Variants in BRF1 observed in about 807,000 individuals in gnomAD.
BRF1 encodes the protein BRF1 general transcription factor IIIB subunit, also known as transcription factor IIIB 90 kDa subunit.
BRF1 carries 59 observed loss-of-function variants against 81.7 expected under a neutral mutation model. The observed-to-expected ratio is 0.72, with a 90% CI of 0.59 to 0.90. BRF1 has a LOEUF of 0.90. Ranked by LOEUF, BRF1 falls within the 40% of genes least tolerant of loss-of-function variation. BRF1 has a pLI of 0.00. For synonymous variants in BRF1, 491 were observed against 395.6 expected (o/e 1.24, Z -2.86); for missense variants, 1,050 against 936.3 (o/e 1.12, Z -1.58).
intron 10 of BRF1, among the ~76,000 whole-genome samples, chr14:105,223,300 G>A (rs930966573): frequency 6.6e-6 from 1 of 151,564 alleles, no homozygotes; most frequent in Non-Finnish European, 1.5e-5. Flanking sequence ...ACTTGTACAC[G>A]AGTGTTCACG....
chr14:105,241,520 C>A (rs920039795), intron 5 of BRF1, 106 bp from the exon 6 acceptor site: 5 of 1,382,104 alleles, frequency 3.6e-6, no homozygotes, highest in Non-Finnish European at 4.9e-6. Flanking sequence ...TCTTTCCAGG[C>A]CCCCAGGCCC....
intron 3 of BRF1, among the ~76,000 whole-genome samples, chr14:105,268,328 G>A (rs1329498376): frequency 1.3e-5 from 2 of 152,270 alleles, no homozygotes; most frequent in African/African-American, 4.8e-5. Flanking sequence ...TCTCAGCCCT[G>A]CTGCCCACGC....
intron 5 of BRF1, chr14:105,247,014 A>G (rs1231797504): frequency 4.1e-6 from 4 of 985,404 alleles, no homozygotes; most frequent in Non-Finnish European, 3.6e-6. Context: ...ATGGACATGT[A>G]GGCTGTCTCC....
chr14:105,306,762 C>T (rs1190766714), intron 1 of BRF1, among the ~76,000 whole-genome samples: 3 of 152,160 alleles, frequency 2.0e-5, no homozygotes, highest in African/African-American at 7.2e-5. Context: ...CCTGCCACTG[C>T]GCCCAGCTAA....
chr14:105,209,721 C>T lies in BRF1; in HGVS notation c.*830G>A, dbSNP rs1172160123. ...GGCTCTGTCCACGGGGAACTCCCAG[C>T]GCCAGGACACTATGCAGGCTATGCC... On this transcript the variant is annotated 3_prime_UTR_variant, in exon 18 of 18. Coordinates refer to ENST00000547530, the MANE Select transcript of BRF1 (RefSeq NM_001519.4). 2.0e-5 allele frequency: 12 copies of T among 614,446 alleles called. No homozygotes were observed. Among genetic ancestry groups the T allele is most frequent in the African/African-American group, 7.3e-5 (4 of 54,518 alleles). 38.1% of individuals were successfully genotyped at this position (614,446 alleles called of 1,614,324 possible).
chr14:105,287,884 C>G (rs2057374142), intron 1 of BRF1, among the ~76,000 whole-genome samples: 3 of 152,256 alleles, frequency 2.0e-5, no homozygotes, highest in Admixed American at 6.5e-5. Context: ...CAGAGCTGAA[C>G]AGGGTCAGGT....
At position 105,286,299 on chromosome 14, in the gene BRF1, T is replaced by C; in HGVS notation, c.262A>G (p.Asn88Asp). 1 of 1,612,902 alleles carries C rather than the reference T, an allele frequency of 6.2e-7. No homozygotes were observed. The highest frequency in any genetic ancestry group is 2.2e-5 in the East Asian group (1 of 44,876). Residue 88 changes from asparagine to aspartate, a missense_variant, in exon 2 of 18, where the codon AAT (asparagine) becomes GAT (aspartate). Coordinates refer to ENST00000547530, the MANE Select transcript of BRF1 (RefSeq NM_001519.4). ...CAGCATCCGCGGTGGGAAATACCAT[T>C]CTGCAGGGTCTGCGCTCTCGACTCC... is the stretch of plus-strand genomic sequence containing the variant. ...GKESRAQTLQ[N>D]GRRHIHHLGN...
In BRF1 at chr14:105,209,582, G is replaced by A; in HGVS notation, c.*969C>T. On this transcript the variant is annotated 3_prime_UTR_variant, in exon 18 of 18. Coordinates refer to ENST00000547530, the MANE Select transcript of BRF1 (RefSeq NM_001519.4). ...ATGCCAGAGCTGAGACCTCCTACGA[G>A]TGGTACTGGGGCCTTCCCACGAAGA... is the stretch of plus-strand genomic sequence containing the variant. 1 of 702,702 alleles carries A rather than the reference G, an allele frequency of 1.4e-6. No homozygotes were observed. The highest frequency in any genetic ancestry group is 2.3e-4 in the Middle Eastern group (1 of 4,342). The allele number at this position is 702,702 out of a possible 1,614,324, so 43.5% of individuals were successfully genotyped here. A position where few individuals can be genotyped will look rare whatever the true frequency, so the allele number is the denominator to read the frequency against.
chr14:105,278,426 C>A (rs1244665517), intron 2 of BRF1, among the ~76,000 whole-genome samples: 1 of 144,664 alleles, frequency 6.9e-6, no homozygotes, highest in African/African-American at 2.6e-5. Flanking sequence ...GAGAGCGAGA[C>A]CCTGTCTCCA....
At chr14:105,248,488 G>T in intron 5 of BRF1, 1 of 984,606 alleles carries the variant, frequency 1.0e-6, no homozygotes. Context: ...CGGGCCTGGG[G>T]GCGGGGCCGC....
At chr14:105,226,895 G>T in intron 7 of BRF1, 135 bp from the exon 8 acceptor site, 1 of 1,315,086 alleles carries the variant, frequency 7.6e-7, no homozygotes, top group Non-Finnish European at 1.0e-6. Context: ...GATTGCTTGA[G>T]TCCAAGACTT....
rs914576543 is a variant in BRF1 at position 105,225,956 on chromosome 14, A to G, written c.1048+113T>C. On this transcript the variant is annotated intron_variant, in intron 10 of 17. Coordinates refer to ENST00000547530, the MANE Select transcript of BRF1 (RefSeq NM_001519.4). ...CCACCCTGCCCGGTGGTAAACTTAC[A>G]TTCTGTAGATAATCCCCTTCCCTTT... 5.3e-6 allele frequency: 6 copies of G among 1,124,824 alleles called. No homozygotes were observed. In the African/African-American group the frequency reaches 6.3e-5, roughly 12 times the overall value. 69.7% of individuals were successfully genotyped at this position (1,124,824 alleles called of 1,614,324 possible).
At chr14:105,211,353 C>T in intron 16 of BRF1, 60 bp from the exon 17 acceptor site, 3 of 1,422,376 alleles carry the variant, frequency 2.1e-6, no homozygotes, top group African/African-American at 1.4e-5. Context: ...TCTCAACAGA[C>T]CCCTCAGACC....
chr14:105,222,662 T>C (rs1001028941), intron 10 of BRF1: 12 of 151,374 alleles, frequency 7.9e-5, no homozygotes, highest in African/African-American at 2.9e-4. Context: ...GGAGTCTCGC[T>C]CTGTCGCCCA....
intron 5 of BRF1, chr14:105,248,549 G>C: frequency 2.6e-6 from 2 of 762,604 alleles, no homozygotes; most frequent in Non-Finnish European, 3.1e-6. Flanking sequence ...TGACGCACCG[G>C]CGCCGCGGCG....
At chr14:105,222,143 T>G in intron 10 of BRF1, 1 of 481,858 alleles carries the variant, frequency 2.1e-6, no homozygotes, top group Non-Finnish European at 3.6e-6. Flanking sequence ...TACAGACATT[T>G]CAGACAAAAA....
At position 105,249,104 on chromosome 14, in the gene BRF1, G is replaced by A. The variant is rs769049531; in HGVS notation, c.544+3403C>T. ...GCGAGAGGTGAGCCCGTGCCCCGCG[G>A]CCCCCGCGCCCGCGCGCGCCCACGC... On this transcript the variant is annotated intron_variant, in intron 5 of 17. Transcript: ENST00000547530. 5 of 1,491,910 alleles carry A rather than the reference G, an allele frequency of 3.4e-6. No individual in the cohort carries two copies. In the African/African-American group the frequency reaches 5.8e-5, roughly 17 times the overall value. 92.4% of individuals were successfully genotyped at this position (1,491,910 alleles called of 1,614,324 possible).
chr14:105,211,886 A>G (rs1025846801), intron 16 of BRF1: 7 of 612,514 alleles, frequency 1.1e-5, no homozygotes, highest in African/African-American at 5.5e-5. Context: ...AGCGCTGAGC[A>G]GCAGGCACAC....
chr14:105,229,105 G>C (rs1419521830), intron 6 of BRF1, among the ~76,000 whole-genome samples, 192 bp from the exon 7 acceptor site: 6 of 152,202 alleles, frequency 3.9e-5, no homozygotes, highest in Admixed American at 3.9e-4. Context: ...CTTATTGTGG[G>C]TGGCGGCTGC....
Sources: gnomAD v4.1 joint callset for allele counts (sites outside exome capture counted in the v4.1 genomes callset) on GRCh38, gnomAD v4.1.1 for gene constraint, MANE v1.5 for transcripts, NCBI Gene and HGNC (gene_info 2026-07-23, HGNC 2026-07-21) for gene names.